Variants in FOXP2 observed in about 807,000 individuals in gnomAD.
The protein encoded by FOXP2 is forkhead box P2.
Under a neutral mutation model 115.8 loss-of-function variants are expected in FOXP2, and 12 were observed. The ratio of observed to expected loss-of-function variants is 0.10; its 90% confidence interval spans 0.07 to 0.17. The LOEUF (loss-of-function observed/expected upper bound fraction) is 0.17, where lower values mean the gene tolerates loss of function less well. FOXP2 is among the 10% of genes least tolerant of loss of function. The pLI is 1.00. For missense variants in FOXP2, 629 were observed against 843.5 expected (o/e 0.75, Z 3.15); for synonymous variants, 328 against 297.7 (o/e 1.10, Z -1.05).
intron 3 of FOXP2, among the ~76,000 whole-genome samples, chr7:114,623,455 G>T (rs910023559): frequency 1.3e-5 from 2 of 151,864 alleles, no homozygotes; most frequent in African/African-American, 4.8e-5. Flanking sequence ...AAAAACAAGG[G>T]CATGTCAAGG....
intron 3 of FOXP2, among the ~76,000 whole-genome samples, chr7:114,567,342 A>G (rs575511925): frequency 6.6e-6 from 1 of 152,180 alleles, no homozygotes; most frequent in East Asian, 1.9e-4. Flanking sequence ...TCCTCTGTCT[A>G]GAGAGAGAGG....
chr7:114,498,287 A>G (rs1797413650), intron 2 of FOXP2, among the ~76,000 whole-genome samples: 1 of 152,210 alleles, frequency 6.6e-6, no homozygotes, highest in African/African-American at 2.4e-5. Context: ...GATGAGCTCC[A>G]CAATGGTTTG....
At chr7:114,119,525 G>A (rs1791501716) in intron 1 of FOXP2, among the ~76,000 whole-genome samples, 1 of 151,968 alleles carries the variant, frequency 6.6e-6, no homozygotes, top group Non-Finnish European at 1.5e-5. Context: ...AGGATTGCTT[G>A]AGCCCAGGAG....
chr7:114,578,122 C>G (rs1482487115), intron 3 of FOXP2, among the ~76,000 whole-genome samples: 2 of 151,852 alleles, frequency 1.3e-5, no homozygotes, highest in Non-Finnish European at 2.9e-5. Flanking sequence ...AACAAATGTA[C>G]TGTTGTTTTA....
At chr7:114,207,041 T>C (rs1794217787) in intron 1 of FOXP2, among the ~76,000 whole-genome samples, 3 of 152,228 alleles carry the variant, frequency 2.0e-5, no homozygotes, top group Non-Finnish European at 1.5e-5. Flanking sequence ...GGACATTTCA[T>C]ATAAATTGAG....
intron 6 of FOXP2, among the ~76,000 whole-genome samples, chr7:114,633,964 A>G (rs563687006): frequency 2.6e-5 from 4 of 151,980 alleles, no homozygotes; most frequent in Admixed American, 6.5e-5. Flanking sequence ...ATGTGCAATG[A>G]TGGATGATGT....
chr7:114,569,229 G>A (rs778013000), intron 3 of FOXP2, among the ~76,000 whole-genome samples: 5 of 151,840 alleles, frequency 3.3e-5, no homozygotes, highest in African/African-American at 7.2e-5. Flanking sequence ...TGATTTTAAC[G>A]AAAGTTACAG....
intron 2 of FOXP2, among the ~76,000 whole-genome samples, chr7:114,300,361 A>G (rs1796850641): frequency 6.6e-6 from 1 of 152,080 alleles, no homozygotes; most frequent in South Asian, 2.1e-4. Context: ...TTTGTCCTTA[A>G]AATATGTATT....
At chr7:114,196,226 A>C (rs1440201300) in intron 1 of FOXP2, among the ~76,000 whole-genome samples, 1 of 151,866 alleles carries the variant, frequency 6.6e-6, no homozygotes, top group Non-Finnish European at 1.5e-5. Context: ...TGTCCAGGAT[A>C]GTCTCCATCT....
intron 2 of FOXP2, among the ~76,000 whole-genome samples, chr7:114,328,793 C>A (rs1445313119): frequency 1.3e-5 from 2 of 152,100 alleles, no homozygotes; most frequent in Non-Finnish European, 2.9e-5. Flanking sequence ...CCATTAAAGT[C>A]CATATTTTTG....
In FOXP2 at chr7:114,672,353, G is replaced by A. The variant is rs1807532608; in HGVS notation, c.2003+7917G>A. On this transcript the variant is annotated intron_variant, in intron 16 of 16. Transcript: ENST00000350908. ...TAATCCCAGCACTTTGGGAGGCCGAGGTGGGCAGATCACCTGAGGTCAGGA... is the reference window on the plus strand; with the variant it reads ...TAATCCCAGCACTTTGGGAGGCCGAAGTGGGCAGATCACCTGAGGTCAGGA... Among the ~76,000 whole-genome samples, 3 of 152,166 alleles carry A rather than the reference G, an allele frequency of 2.0e-5. No individual in the cohort carries two copies. The South Asian group carries it at 6.2e-4, about 32-fold the overall frequency.
intron 2 of FOXP2, among the ~76,000 whole-genome samples, chr7:114,444,818 C>G (rs978247369): frequency 7.2e-5 from 11 of 151,990 alleles, no homozygotes; most frequent in African/African-American, 2.7e-4. Flanking sequence ...TTACAGTTAA[C>G]ATTTTAAAAG....
At chr7:114,367,058 C>T (rs1048714032) in intron 2 of FOXP2, among the ~76,000 whole-genome samples, 1 of 152,066 alleles carries the variant, frequency 6.6e-6, no homozygotes, top group Non-Finnish European at 1.5e-5. Flanking sequence ...GGCTAACTTA[C>T]AATATGTATG....
At chr7:114,352,965 C>G (rs1645320798) in intron 2 of FOXP2, among the ~76,000 whole-genome samples, 2 of 152,208 alleles carry the variant, frequency 1.3e-5, no homozygotes, top group South Asian at 4.1e-4. Flanking sequence ...CTTCAACCCA[C>G]TAGATAATGG....
At chr7:114,547,630 G>A (rs759217058) in intron 3 of FOXP2, among the ~76,000 whole-genome samples, 6 of 152,188 alleles carry the variant, frequency 3.9e-5, no homozygotes, top group East Asian at 1.9e-4. Flanking sequence ...GTGGTGGCAC[G>A]TGCCTGTAAT....
In FOXP2 at chr7:114,142,910, G is replaced by A. The variant is rs150986327; in HGVS notation, c.-246-20034G>A. On this transcript the variant is annotated intron_variant, in intron 1 of 19. Coordinates refer to the FOXP2 transcript ENST00000635638. ...TGCCTGTAATTCCCACATGTTGGGA[G>A]GCTGAGGTGAGAAGATCGATTGAGT... Among the ~76,000 whole-genome samples the A allele has an allele frequency of 3.5e-3, 539 of 152,114 alleles. 2 individuals carry two copies. The Middle Eastern group carries it at 0.041, about 12-fold the overall frequency.
intron 2 of FOXP2, among the ~76,000 whole-genome samples, chr7:114,322,870 G>T (rs972771428): frequency 6.6e-6 from 1 of 152,096 alleles, no homozygotes; most frequent in African/African-American, 2.4e-5. Context: ...GTGTGTTTGC[G>T]TGTGAGGGAG....
chr7:114,404,849 T>A (rs1156806658), intron 2 of FOXP2, among the ~76,000 whole-genome samples: 11 of 151,992 alleles, frequency 7.2e-5, no homozygotes, highest in African/African-American at 2.7e-4. Flanking sequence ...CTTCAGTCAT[T>A]TTTACCCTTT....
At chr7:114,280,644 T>G (rs186194749) in intron 1 of FOXP2, among the ~76,000 whole-genome samples, 56 of 152,232 alleles carry the variant, frequency 3.7e-4, no homozygotes, top group Admixed American at 2.0e-3. Flanking sequence ...TCAAAATTAT[T>G]TTATTGCCAG....
Sources: gnomAD v4.1 joint callset for allele counts (sites outside exome capture counted in the v4.1 genomes callset) on GRCh38, gnomAD v4.1.1 for gene constraint, MANE v1.5 for transcripts, NCBI Gene and HGNC (gene_info 2026-07-23, HGNC 2026-07-21) for gene names.